TNNI3K: variants seen among roughly 807,000 people sequenced by gnomAD.
The protein encoded by TNNI3K is serine/threonine-protein kinase TNNI3K.
In TNNI3K, 140 loss-of-function variants were observed where a neutral mutation model predicts 114.5. That is an observed-to-expected ratio of 1.22 (90% CI 1.07 to 1.41). TNNI3K has a LOEUF of 1.41. Among genes scored for constraint, TNNI3K ranks in the 40% most tolerant of loss-of-function variants. The probability of loss-of-function intolerance (pLI) is 0.00; values close to 1 mark genes in which losing one functional copy is unlikely to be tolerated. For synonymous variants in TNNI3K, 347 were observed against 347.5 expected (o/e 1.00, Z 0.02); for missense variants, 1,125 against 1,007.6 (o/e 1.12, Z -1.58).
intron 7 of TNNI3K, 110 bp from the exon 8 acceptor site, chr1:74,342,732 A>G (rs1660809183): frequency 5.1e-6 from 7 of 1,385,978 alleles, no homozygotes; most frequent in Non-Finnish European, 6.8e-6. Flanking sequence ...TTAACTGGCA[A>G]TTTCCAGGAA....
intron 5 of TNNI3K, among the ~76,000 whole-genome samples, chr1:74,311,055 C>A (rs1266223823): frequency 6.6e-6 from 1 of 152,094 alleles, no homozygotes; most frequent in Admixed American, 6.6e-5. Context: ...ATATATGTTT[C>A]AAATTGTAAA....
At chr1:74,391,641 C>T (rs558234566) in intron 17 of TNNI3K, among the ~76,000 whole-genome samples, 1 of 152,194 alleles carries the variant, frequency 6.6e-6, no homozygotes, top group Non-Finnish European at 1.5e-5. Context: ...CAGAAAGAGA[C>T]AAATACTTAA....
In TNNI3K at chr1:74,419,841, C is replaced by T. The variant is rs959135557; in HGVS notation, c.1773-16239C>T. On this transcript the variant is annotated intron_variant, in intron 17 of 24. Transcript: ENST00000326637. ...TATGCTTTCATTTATGCATTAAACA[C>T]ACATCTCTGGGATGACTATGATGTT... Among the ~76,000 whole-genome samples the T allele has an allele frequency of 2.0e-5, 3 of 152,072 alleles. No homozygotes were observed. The East Asian group carries it at 5.8e-4, about 29-fold the overall frequency.
intron 23 of TNNI3K, among the ~76,000 whole-genome samples, chr1:74,499,489 T>G (rs1023426751): frequency 6.6e-6 from 1 of 152,180 alleles, no homozygotes; most frequent in Non-Finnish European, 1.5e-5. Context: ...TATTAATTAT[T>G]GTCAATCTCT....
In TNNI3K at chr1:74,391,957, A is replaced by ATTATTTTTTTTTTTTTTTTTTTTT. The variant is rs1369570973; in HGVS notation, c.1772+21567_1772+21568insATTTTTTTTTTTTTTTTTTTTTTT. Among the ~76,000 whole-genome samples the ATTATTTTTTTTTTTTTTTTTTTTT allele has an allele frequency of 5.4e-5, 5 of 92,990 alleles. 1 individual carries two copies. The highest frequency in any genetic ancestry group is 8.7e-5 in the Non-Finnish European group (4 of 45,762). The allele number at this position is 92,990 out of a possible 152,430, so 61.0% of individuals were successfully genotyped here. A position where few individuals can be genotyped will look rare whatever the true frequency, so the allele number is the denominator to read the frequency against. Reference sequence around the variant, plus strand: ...TTGATTTAGGATGGTACAGCTTATTATTTTTTTTTTTTTTTTTTTTTTTTT... The same window carrying ATTATTTTTTTTTTTTTTTTTTTTT: ...TTGATTTAGGATGGTACAGCTTATTATTATTTTTTTTTTTTTTTTTTTTTTTTTTTTTTTTTTTTTTTTTTTTTT... On this transcript the variant is annotated intron_variant, in intron 17 of 24. Coordinates refer to ENST00000326637, the MANE Select transcript of TNNI3K (RefSeq NM_015978.3).
chr1:74,523,237 T>C (rs1255276398), intron 23 of TNNI3K, among the ~76,000 whole-genome samples: 1 of 152,140 alleles, frequency 6.6e-6, no homozygotes, highest in Non-Finnish European at 1.5e-5. Flanking sequence ...TGAAATAAAT[T>C]TTCTAACACC....
chr1:74,540,973 T>G (rs960969242), intron 24 of TNNI3K, among the ~76,000 whole-genome samples: 1 of 152,178 alleles, frequency 6.6e-6, no homozygotes, highest in Non-Finnish European at 1.5e-5. Context: ...TATCATCAGC[T>G]GCGATATCAA....
At chr1:74,424,025 C>T (rs1185457155) in intron 17 of TNNI3K, among the ~76,000 whole-genome samples, 2 of 151,982 alleles carry the variant, frequency 1.3e-5, no homozygotes, top group Non-Finnish European at 2.9e-5. Flanking sequence ...GAGATAAGTG[C>T]ACACTATCGA....
intron 21 of TNNI3K, among the ~76,000 whole-genome samples, chr1:74,479,353 T>C (rs1668362321): frequency 6.6e-6 from 1 of 152,244 alleles, no homozygotes; most frequent in Admixed American, 6.5e-5. Context: ...TGATGCATAG[T>C]TTCATAAATT....
chr1:74,452,154 C>G (rs1247777205), intron 20 of TNNI3K, among the ~76,000 whole-genome samples: 3 of 152,154 alleles, frequency 2.0e-5, no homozygotes, highest in East Asian at 3.8e-4. Flanking sequence ...TTTCTGCACT[C>G]TCAGTATGTT....
intron 7 of TNNI3K, among the ~76,000 whole-genome samples, chr1:74,339,610 A>T (rs1249707233): frequency 6.6e-6 from 1 of 152,128 alleles, no homozygotes; most frequent in Admixed American, 6.6e-5. Flanking sequence ...AAATAAATTC[A>T]GGTTGCAAAA....
intron 23 of TNNI3K, among the ~76,000 whole-genome samples, chr1:74,535,032 G>A (rs914370911): frequency 4.7e-4 from 55 of 117,524 alleles, no homozygotes; most frequent in African/African-American, 1.8e-3. Context: ...TGGCATGTAT[G>A]TAAAAATCAG....
intron 23 of TNNI3K, among the ~76,000 whole-genome samples, chr1:74,519,369 A>G (rs560209529): frequency 7.9e-4 from 93 of 117,606 alleles, no homozygotes; most frequent in Non-Finnish European, 1.2e-3. Flanking sequence ...TTATAGCAGC[A>G]TGATTTATAC....
At chr1:74,394,506 C>T (rs1270748104) in intron 17 of TNNI3K, among the ~76,000 whole-genome samples, 1 of 152,178 alleles carries the variant, frequency 6.6e-6, no homozygotes, top group Non-Finnish European at 1.5e-5. Flanking sequence ...ATATACTAGG[C>T]CCCTGCTGGA....
chr1:74,513,762 ATTACT>A (rs929231399), intron 23 of TNNI3K, among the ~76,000 whole-genome samples: 1 of 152,198 alleles, frequency 6.6e-6, no homozygotes, highest in African/African-American at 2.4e-5. Context: ...CTGATGACAC[ATTACT>A]TTACAGTTTA....
At chr1:74,271,420 T>C (rs1656338707) in intron 4 of TNNI3K, among the ~76,000 whole-genome samples, 178 bp from the exon 5 acceptor site, 1 of 151,932 alleles carries the variant, frequency 6.6e-6, no homozygotes, top group African/African-American at 2.4e-5. Flanking sequence ...TTGGTCCTAC[T>C]TTCCACCATC....
intron 22 of TNNI3K, among the ~76,000 whole-genome samples, chr1:74,491,884 G>C (rs909534718): frequency 6.6e-6 from 1 of 152,186 alleles, no homozygotes; most frequent in Non-Finnish European, 1.5e-5. Context: ...TAACAGGCCA[G>C]CTCTCAGCAC....
At chr1:74,504,950 G>A (rs184431158) in intron 23 of TNNI3K, among the ~76,000 whole-genome samples, 3 of 152,262 alleles carry the variant, frequency 2.0e-5, no homozygotes. Context: ...TTCGCCGGAG[G>A]CAAACTGCTA....
At chr1:74,318,348 T>C (rs1016065235) in intron 5 of TNNI3K, among the ~76,000 whole-genome samples, 1 of 152,214 alleles carries the variant, frequency 6.6e-6, no homozygotes, top group Non-Finnish European at 1.5e-5. Flanking sequence ...ATATCTGTAA[T>C]AAATTCTTTT....
Sources: gnomAD v4.1 joint callset for allele counts (sites outside exome capture counted in the v4.1 genomes callset) on GRCh38, gnomAD v4.1.1 for gene constraint, MANE v1.5 for transcripts, NCBI Gene and HGNC (gene_info 2026-07-23, HGNC 2026-07-21) for gene names.